The following KCNN3 variants were observed in gnomAD, a reference collection of about 807,000 sequenced individuals.
The protein encoded by KCNN3 is potassium calcium-activated channel subfamily N member 3, also known as small conductance calcium-activated potassium channel protein 3.
KCNN3 carries 16 observed loss-of-function variants against 62.9 expected under a neutral mutation model. That is an observed-to-expected ratio of 0.25 (90% CI 0.17 to 0.39). The LOEUF (loss-of-function observed/expected upper bound fraction) is 0.39, where lower values mean the gene tolerates loss of function less well. KCNN3 is among the 10% of genes least tolerant of loss of function. KCNN3 has a pLI of 1.00. For synonymous variants in KCNN3, 370 were observed against 389.2 expected, an observed-to-expected ratio of 0.95 and a Z score of 0.58; for missense variants, 599 against 949.4, an observed-to-expected ratio of 0.63 and a Z score of 4.85.
At chr1:154,821,934 A>C (rs1650915600) in intron 2 of KCNN3, among the ~76,000 whole-genome samples, 155 bp downstream of exon 2, 1 of 152,190 alleles carries the variant, frequency 6.6e-6, no homozygotes, top group South Asian at 2.1e-4. Flanking sequence ...ATTTGGGTCC[A>C]AACCAGAAGA....
At chr1:154,837,003 G>A (rs902103475) in intron 1 of KCNN3, among the ~76,000 whole-genome samples, 1 of 152,210 alleles carries the variant, frequency 6.6e-6, no homozygotes, top group Non-Finnish European at 1.5e-5. Context: ...CATCTAGGTG[G>A]GGAACAACAC....
chr1:154,766,120 A>G (rs1357222936), intron 3 of KCNN3, among the ~76,000 whole-genome samples: 1 of 151,500 alleles, frequency 6.6e-6, no homozygotes, highest in African/African-American at 2.4e-5. Flanking sequence ...TCCGCCTGGC[A>G]CCAGAAGGGG....
intron 3 of KCNN3, among the ~76,000 whole-genome samples, chr1:154,751,916 T>C (rs906276): frequency 0.89 from 135,903 of 152,226 alleles, 60,859 homozygotes; most frequent in East Asian, 1. Context: ...GAGAGGGAAA[T>C]GATGGAGTTG....
intron 2 of KCNN3, among the ~76,000 whole-genome samples, chr1:154,813,156 G>GGCA (rs1379665989): frequency 1.3e-5 from 2 of 151,882 alleles, no homozygotes; most frequent in African/African-American, 4.8e-5. Flanking sequence ...ATGTAGAATG[G>GGCA]GCAGAGGGTT....
chr1:154,813,848 C>T (rs1304979458), intron 2 of KCNN3, among the ~76,000 whole-genome samples: 1 of 152,232 alleles, frequency 6.6e-6, no homozygotes, highest in Non-Finnish European at 1.5e-5. Context: ...CAGCCAGGGC[C>T]AGGGAGAGCA....
intron 5 of KCNN3, among the ~76,000 whole-genome samples, chr1:154,722,050 G>A (rs894627685): frequency 2.6e-5 from 4 of 151,936 alleles, no homozygotes; most frequent in Non-Finnish European, 4.4e-5. Context: ...CTTACCCAGT[G>A]CTATCAGACC....
intron 2 of KCNN3, among the ~76,000 whole-genome samples, chr1:154,806,297 C>A (rs1650171261): frequency 6.6e-6 from 1 of 152,220 alleles, no homozygotes; most frequent in African/African-American, 2.4e-5. Flanking sequence ...CCACTGTGCA[C>A]CAGCAAAGGG....
At chr1:154,765,492 TTTTAG>T (rs1307156490) in intron 3 of KCNN3, among the ~76,000 whole-genome samples, 4 of 152,218 alleles carry the variant, frequency 2.6e-5, no homozygotes, top group African/African-American at 9.7e-5. Flanking sequence ...GCTAAAACAA[TTTTAG>T]TTTTCTGGAA....
intron 1 of KCNN3, among the ~76,000 whole-genome samples, chr1:154,841,282 G>T (rs533437421): frequency 6.6e-6 from 1 of 152,192 alleles, no homozygotes. Flanking sequence ...TTTAGTAAGC[G>T]CTCTCCACGT....
intron 6 of KCNN3, among the ~76,000 whole-genome samples, 199 bp from the exon 7 acceptor site, chr1:154,713,732 G>A (rs1700124608): frequency 6.6e-6 from 1 of 151,978 alleles, no homozygotes; most frequent in Non-Finnish European, 1.5e-5. Context: ...CTCCACGCAT[G>A]CTCACCTTCA....
chr1:154,702,108 T>C lies in KCNN3; in HGVS notation c.*5868A>G, dbSNP rs936780560. On this transcript the variant is annotated 3_prime_UTR_variant, in exon 8 of 8. Transcript: ENST00000271915. ...AATTATTCCTCTACTCTTGGAATAATGTTCTTTTGTCTCTAATACCCAGGC... is the reference window on the plus strand; with the variant it reads ...AATTATTCCTCTACTCTTGGAATAACGTTCTTTTGTCTCTAATACCCAGGC... 4 of 152,200 alleles carry C rather than the reference T, an allele frequency of 2.6e-5. No homozygotes were observed. Among genetic ancestry groups the C allele is most frequent in the African/African-American group, 7.2e-5 (3 of 41,508 alleles). The allele number at this position is 152,200 out of a possible 1,614,324, so 9.4% of individuals were successfully genotyped here. A position where few individuals can be genotyped will look rare whatever the true frequency, so the allele number is the denominator to read the frequency against.
intron 2 of KCNN3, among the ~76,000 whole-genome samples, chr1:154,775,955 G>C (rs1419450704): frequency 6.6e-6 from 1 of 152,254 alleles, no homozygotes; most frequent in Non-Finnish European, 1.5e-5. Context: ...ACTCTGGGCA[G>C]GAATGGAAGC....
At chr1:154,863,037 G>A (rs551281987) in intron 1 of KCNN3, among the ~76,000 whole-genome samples, 3 of 152,086 alleles carry the variant, frequency 2.0e-5, no homozygotes, top group African/African-American at 7.2e-5. Context: ...TTGTACTCCC[G>A]GGTGTAATGT....
chr1:154,848,966 T>A (rs1652198173), intron 1 of KCNN3, among the ~76,000 whole-genome samples: 1 of 152,138 alleles, frequency 6.6e-6, no homozygotes, highest in South Asian at 2.1e-4. Flanking sequence ...CAGTGAAAGT[T>A]TGCCGAGTAG....
rs1245509289 is a variant in KCNN3 at position 154,699,006 on chromosome 1, C to T, written c.*8970G>A. 1.3e-5 allele frequency: 2 copies of T among 152,174 alleles called. No individual in the cohort carries two copies. Among genetic ancestry groups the T allele is most frequent in the East Asian group, 1.9e-4 (1 of 5,200 alleles). 9.4% of individuals were successfully genotyped at this position (152,174 alleles called of 1,614,324 possible). A position where few individuals can be genotyped will look rare whatever the true frequency, so the allele number is the denominator to read the frequency against. On this transcript the variant is annotated 3_prime_UTR_variant, in exon 8 of 8. Transcript: ENST00000271915. ...TTTAGCTATTGCCTTATGGGAACCA[C>T]AGAAATGGATTGAAATAAAACTTAC... is the stretch of plus-strand genomic sequence containing the variant.
At chr1:154,765,787 T>A (rs983940611) in intron 3 of KCNN3, among the ~76,000 whole-genome samples, 3 of 142,400 alleles carry the variant, frequency 2.1e-5, no homozygotes, top group Admixed American at 2.1e-4. Flanking sequence ...CCGGCTAATG[T>A]TTTTTTTGGT....
chr1:154,784,695 G>T (rs569497047), intron 2 of KCNN3, among the ~76,000 whole-genome samples: 18 of 152,242 alleles, frequency 1.2e-4, no homozygotes, highest in Non-Finnish European at 2.5e-4. Context: ...GGAGCAGGGC[G>T]GCGGTCTCCA....
intron 2 of KCNN3, among the ~76,000 whole-genome samples, chr1:154,784,295 C>A (rs1009063174): frequency 1.3e-5 from 2 of 152,168 alleles, no homozygotes; most frequent in Non-Finnish European, 2.9e-5. Context: ...CCGTGGCAAC[C>A]CAGAGTGTCC....
chr1:154,727,726 T>C, intron 4 of KCNN3, among the ~76,000 whole-genome samples: 1 of 152,228 alleles, frequency 6.6e-6, no homozygotes, highest in East Asian at 1.9e-4. Context: ...TTTCAAAGGA[T>C]CTGGGCAGTT....
Sources: allele counts gnomAD v4.1 joint callset (sites outside exome capture counted in the v4.1 genomes callset), GRCh38; gene constraint gnomAD v4.1.1; transcripts MANE v1.5; gene names NCBI Gene and HGNC (gene_info 2026-07-23, HGNC 2026-07-21).